The following ARHGAP32 variants were observed in gnomAD, a reference collection of about 807,000 sequenced individuals.
ARHGAP32 encodes the protein rho GTPase-activating protein 32.
A neutral mutation model predicts 186.5 loss-of-function variants in ARHGAP32; 51 were observed. That is an observed-to-expected ratio of 0.27 (90% CI 0.22 to 0.35). ARHGAP32 has a LOEUF of 0.35. ARHGAP32 is among the 10% of genes least tolerant of loss of function. The pLI is 1.00. For synonymous variants in ARHGAP32, 950 were observed against 964.3 expected (o/e 0.99, Z 0.27); for missense variants, 2,186 against 2,623.5 (o/e 0.83, Z 3.64).
At chr11:129,005,344 T>C (rs1001111081) in intron 11 of ARHGAP32, among the ~76,000 whole-genome samples, 1 of 152,186 alleles carries the variant, frequency 6.6e-6, no homozygotes, top group African/African-American at 2.4e-5. Flanking sequence ...CTATTACCAG[T>C]GAGTTTTGTA....
intron 12 of ARHGAP32, among the ~76,000 whole-genome samples, chr11:128,992,846 C>CA (rs1453469373): frequency 6.6e-6 from 1 of 151,948 alleles, no homozygotes; most frequent in Non-Finnish European, 1.5e-5. Context: ...AATCTATGCT[C>CA]AAAAAAAGTA....
chr11:128,990,355 T>C (rs1419290542), intron 12 of ARHGAP32, among the ~76,000 whole-genome samples: 1 of 152,186 alleles, frequency 6.6e-6, no homozygotes, highest in African/African-American at 2.4e-5. Context: ...AGCAAAACCA[T>C]GCATCGTCCA....
At chr11:129,241,758 T>C (rs1228142946) in intron 1 of ARHGAP32, among the ~76,000 whole-genome samples, 1 of 152,152 alleles carries the variant, frequency 6.6e-6, no homozygotes, top group East Asian at 1.9e-4. Flanking sequence ...AACAATAATT[T>C]TGACTGGATC....
chr11:128,990,639 A>G (rs1565361143), intron 12 of ARHGAP32, among the ~76,000 whole-genome samples: 1 of 152,218 alleles, frequency 6.6e-6, no homozygotes, highest in African/African-American at 2.4e-5. Context: ...GATTTAATTG[A>G]TATTAGAAGC....
intron 1 of ARHGAP32, among the ~76,000 whole-genome samples, chr11:129,248,232 G>C (rs1158065164): frequency 6.8e-6 from 1 of 146,032 alleles, no homozygotes; most frequent in African/African-American, 2.5e-5. Context: ...AAAAAAAAAG[G>C]AAAGTGAAAG....
intron 11 of ARHGAP32, among the ~76,000 whole-genome samples, chr11:129,012,273 T>G (rs1440856643): frequency 6.6e-6 from 1 of 152,170 alleles, no homozygotes; most frequent in Non-Finnish European, 1.5e-5. Context: ...ATTTTCCATG[T>G]GAGAGAAAAT....
At chr11:129,279,366 G>A (rs1306780487), upstream of ARHGAP32, 1 of 145,300 alleles carries the variant, frequency 6.9e-6, no homozygotes, top group Non-Finnish European at 1.5e-5. Flanking sequence ...CGCCCCGTCA[G>A]GCTCGGGGGC....
intron 2 of ARHGAP32, among the ~76,000 whole-genome samples, chr11:129,147,682 G>A (rs1030337046): frequency 1.3e-5 from 2 of 152,134 alleles, no homozygotes; most frequent in Admixed American, 6.6e-5. Flanking sequence ...ACATCCATAT[G>A]CATGCATTTT....
chr11:128,991,925 A>ACTCG (rs1413155180), intron 12 of ARHGAP32, among the ~76,000 whole-genome samples: 1 of 151,918 alleles, frequency 6.6e-6, no homozygotes, highest in Non-Finnish European at 1.5e-5. Flanking sequence ...TCATTCATTC[A>ACTCG]CTCGCTCACT....
intron 5 of ARHGAP32, among the ~76,000 whole-genome samples, chr11:129,105,411 G>A (rs776198293): frequency 2.2e-4 from 33 of 152,180 alleles, no homozygotes; most frequent in African/African-American, 3.4e-4. Flanking sequence ...AAACAGCTTC[G>A]CTAGGTGTTG....
At chr11:129,245,522 C>A (rs1220080274) in intron 1 of ARHGAP32, among the ~76,000 whole-genome samples, 1 of 149,888 alleles carries the variant, frequency 6.7e-6, no homozygotes, top group Non-Finnish European at 1.5e-5. Context: ...GTGGGTGCAG[C>A]GCACCAGCAT....
chr11:129,236,609 G>A (rs1258130784), intron 1 of ARHGAP32, among the ~76,000 whole-genome samples: 1 of 152,158 alleles, frequency 6.6e-6, no homozygotes, highest in Non-Finnish European at 1.5e-5. Flanking sequence ...TTTGCATCCT[G>A]AAACTCTGCT....
chr11:129,124,929 ACTT>A lies in ARHGAP32; in HGVS notation c.226-38_226-36del, dbSNP rs771128886. The A allele has an allele frequency of 2.2e-4, 335 of 1,498,128 alleles. 1 individual carries two copies. The highest frequency in any genetic ancestry group is 3.0e-4 in the Non-Finnish European group (323 of 1,092,880). 92.8% of individuals were successfully genotyped at this position (1,498,128 alleles called of 1,614,324 possible). A position where few individuals can be genotyped will look rare whatever the true frequency, so the allele number is the denominator to read the frequency against. On this transcript the variant is annotated intron_variant, in intron 2 of 22. Transcript: ENST00000682385. ...TAAAGACAAAATATTTATGGCTATTACTTTAGTATTACACTTTTTTAAAAAGCA... is the reference window on the plus strand; with the variant it reads ...TAAAGACAAAATATTTATGGCTATTATAGTATTACACTTTTTTAAAAAGCA...
chr11:129,172,098 A>G (rs1424452235), intron 1 of ARHGAP32, among the ~76,000 whole-genome samples: 1 of 152,158 alleles, frequency 6.6e-6, no homozygotes, highest in Non-Finnish European at 1.5e-5. Flanking sequence ...TAAATATAAA[A>G]TCATGTCATC....
chr11:129,206,733 A>G (rs901553635), intron 1 of ARHGAP32, among the ~76,000 whole-genome samples: 4 of 150,492 alleles, frequency 2.7e-5, no homozygotes, highest in East Asian at 2.0e-4. Flanking sequence ...TCTAGCTCTT[A>G]TATTTCCTGT....
intron 8 of ARHGAP32, 143 bp from the exon 9 acceptor site, chr11:129,064,167 G>A: frequency 3.2e-5 from 21 of 659,874 alleles, no homozygotes; most frequent in Non-Finnish European, 5.0e-5. Context: ...TTACTGGGTA[G>A]TAAAAATATG....
chr11:128,985,773 A>G (rs1428805552), intron 15 of ARHGAP32: 1 of 177,382 alleles, frequency 5.6e-6, no homozygotes, highest in African/African-American at 2.4e-5. Context: ...ATGAATATCT[A>G]TACATAAACA....
intron 2 of ARHGAP32, among the ~76,000 whole-genome samples, chr11:129,163,917 T>C (rs548480030): frequency 5.3e-5 from 8 of 152,244 alleles, no homozygotes; most frequent in African/African-American, 1.9e-4. Flanking sequence ...ACTATCCTAT[T>C]TGTGTTTCTT....
intron 15 of ARHGAP32, 149 bp downstream of exon 15, chr11:128,985,854 G>GTATATATATATATA (rs1376611507): frequency 1.0e-4 from 12 of 119,654 alleles, no homozygotes; most frequent in African/African-American, 5.4e-4. Context: ...GTGTGTGTGT[G>GTATATATATATATA]TGTGTATATA....
Sources: allele counts gnomAD v4.1 joint callset (sites outside exome capture counted in the v4.1 genomes callset), GRCh38; gene constraint gnomAD v4.1.1; transcripts MANE v1.5; gene names NCBI Gene and HGNC (gene_info 2026-07-23, HGNC 2026-07-21).